VIPR2: variants seen among roughly 807,000 people sequenced by gnomAD.
VIPR2 encodes the protein vasoactive intestinal peptide receptor 2, also known as vasoactive intestinal polypeptide receptor 2.
VIPR2 carries 48 observed loss-of-function variants against 58.0 expected under a neutral mutation model. The observed-to-expected ratio is 0.83, with a 90% CI of 0.66 to 1.05. VIPR2 has a LOEUF of 1.05. Among genes scored for constraint, VIPR2 ranks in the 50% least tolerant of loss-of-function variants. VIPR2 has a pLI of 0.00. For missense variants in VIPR2, 534 were observed against 558.0 expected (o/e 0.96, Z 0.43); for synonymous variants, 243 against 235.2 (o/e 1.03, Z -0.30).
intron 1 of VIPR2, chr7:159,144,401 G>T: frequency 3.9e-6 from 6 of 1,546,196 alleles, no homozygotes; most frequent in Non-Finnish European, 5.2e-6. Context: ...CCCAGCTCCC[G>T]GGACGGCCCC....
intron 4 of VIPR2, 50 bp from the exon 5 acceptor site, chr7:159,058,628 A>G (rs1279992012): frequency 7.4e-7 from 1 of 1,342,472 alleles, no homozygotes; most frequent in Non-Finnish European, 1.1e-6. Context: ...CAGCAACACC[A>G]GACAACAGGA....
chr7:159,041,042 G>A (rs1854295442), intron 6 of VIPR2, among the ~76,000 whole-genome samples: 1 of 152,238 alleles, frequency 6.6e-6, no homozygotes, highest in Admixed American at 6.5e-5. Flanking sequence ...TGGGCATCGT[G>A]GGGCCCCACA....
chr7:159,053,432 A>T (rs774976305), intron 5 of VIPR2, among the ~76,000 whole-genome samples: 20 of 152,268 alleles, frequency 1.3e-4, no homozygotes, highest in Non-Finnish European at 4.4e-5. Flanking sequence ...AAATGGAAGG[A>T]TCTACTATGA....
rs1853579464 is a variant in VIPR2 at position 159,031,470 on chromosome 7, C to T, written c.1143+358G>A. 1 of 985,284 alleles carries T rather than the reference C, an allele frequency of 1.0e-6. No individual in the cohort carries two copies. Among genetic ancestry groups the T allele is most frequent in the African/African-American group, 1.7e-5 (1 of 57,238 alleles). 61.0% of individuals were successfully genotyped at this position (985,284 alleles called of 1,614,324 possible). On this transcript the variant is annotated intron_variant, in intron 12 of 12. Coordinates refer to ENST00000262178, the MANE Select transcript of VIPR2 (RefSeq NM_003382.5). This position sits in a 1 kb window ranked among gnomAD's most constrained non-coding sequence, Gnocchi z 4.0. The stretch of plus-strand genomic sequence containing the variant: ...CGCTGTGCAGCCCCACCCCCCAACC[C>T]AGGCCCGGCTTTCTGGGACTCACAA...
intron 4 of VIPR2, among the ~76,000 whole-genome samples, chr7:159,091,743 G>A (rs544276181): frequency 3.0e-4 from 46 of 152,202 alleles, no homozygotes; most frequent in Non-Finnish European, 6.8e-4. Flanking sequence ...TCAGAGCTGC[G>A]GCTGGGAGCC....
chr7:159,078,535 C>T (rs906381343), intron 4 of VIPR2, among the ~76,000 whole-genome samples: 2 of 152,208 alleles, frequency 1.3e-5, no homozygotes, highest in South Asian at 2.1e-4. Context: ...GTGCCCCATA[C>T]ATTAGAACTT....
At position 159,096,837 on chromosome 7, in the gene VIPR2, C is replaced by T. The variant is rs950830348; in HGVS notation, c.357+6920G>A. On this transcript the variant is annotated intron_variant, in intron 4 of 12. Coordinates refer to ENST00000262178, the MANE Select transcript of VIPR2 (RefSeq NM_003382.5). The surrounding 1 kb of genome is among the most constrained non-coding windows in gnomAD (Gnocchi z 5.5). ...GCCCAGCTCTTGTCCCGGCCCACCTCGGGATGCTTCCGCCGTACTGTGTCC... is the reference window on the plus strand; with the variant it reads ...GCCCAGCTCTTGTCCCGGCCCACCTTGGGATGCTTCCGCCGTACTGTGTCC... 1.5e-5 allele frequency: 23 copies of T among 1,487,822 alleles called. No individual in the cohort carries two copies. The highest frequency in any genetic ancestry group is 1.1e-4 in the South Asian group (8 of 76,134). The allele number at this position is 1,487,822 out of a possible 1,614,324, so 92.2% of individuals were successfully genotyped here.
intron 4 of VIPR2, among the ~76,000 whole-genome samples, chr7:159,084,711 GC>G (rs1456879680): frequency 5.9e-5 from 9 of 152,316 alleles, no homozygotes; most frequent in African/African-American, 1.9e-4. Context: ...GGGGGCCTCT[GC>G]CTGGTGCTGG....
At chr7:159,091,535 C>T (rs1857503862) in intron 4 of VIPR2, among the ~76,000 whole-genome samples, 1 of 152,244 alleles carries the variant, frequency 6.6e-6, no homozygotes, top group Non-Finnish European at 1.5e-5. Context: ...AACTGCAGCC[C>T]TCCTTGCCTG....
chr7:159,065,606 A>G (rs1856035705), intron 4 of VIPR2, among the ~76,000 whole-genome samples: 1 of 152,212 alleles, frequency 6.6e-6, no homozygotes, highest in Non-Finnish European at 1.5e-5. Flanking sequence ...CATGTACAAT[A>G]ACATTTTTTA....
At chr7:159,120,175 G>T (rs1338805312) in intron 2 of VIPR2, among the ~76,000 whole-genome samples, 1 of 152,192 alleles carries the variant, frequency 6.6e-6, no homozygotes, top group Non-Finnish European at 1.5e-5. Flanking sequence ...GTTCAGTTCA[G>T]ACTCATACTA....
At chr7:159,119,570 A>G (rs1182765794) in intron 2 of VIPR2, among the ~76,000 whole-genome samples, 4 of 152,212 alleles carry the variant, frequency 2.6e-5, no homozygotes, top group African/African-American at 4.8e-5. Flanking sequence ...CACAACCCCA[A>G]CGCTCTGACA....
At chr7:159,075,237 T>C (rs1441870872) in intron 4 of VIPR2, among the ~76,000 whole-genome samples, 3 of 152,246 alleles carry the variant, frequency 2.0e-5, no homozygotes, top group Non-Finnish European at 2.9e-5. Context: ...AATCTACAGA[T>C]GTCCATTTAC....
intron 9 of VIPR2, 71 bp downstream of exon 9, chr7:159,034,510 G>C: frequency 1.4e-6 from 2 of 1,476,570 alleles, no homozygotes; most frequent in Non-Finnish European, 1.9e-6. Flanking sequence ...TTTAATAAAG[G>C]ATGGCAGGCT....
At chr7:159,041,502 G>C (rs892005190) in intron 6 of VIPR2, among the ~76,000 whole-genome samples, 11 of 150,268 alleles carry the variant, frequency 7.3e-5, no homozygotes, top group Non-Finnish European at 3.0e-5. Flanking sequence ...CGGGTCCCAA[G>C]GGTCTGTCAT....
chr7:159,121,104 C>A (rs1796436896), intron 2 of VIPR2, among the ~76,000 whole-genome samples: 1 of 152,262 alleles, frequency 6.6e-6, no homozygotes, highest in East Asian at 1.9e-4. Context: ...CCCTCCCATG[C>A]CCAGGGCGTG....
chr7:159,104,995 G>A (rs1858562464), intron 3 of VIPR2, among the ~76,000 whole-genome samples: 1 of 152,254 alleles, frequency 6.6e-6, no homozygotes. Context: ...AAGGATGGCG[G>A]AATTACAGTT....
chr7:159,033,865 T>C (rs1853740116), intron 10 of VIPR2, among the ~76,000 whole-genome samples: 4 of 152,218 alleles, frequency 2.6e-5, no homozygotes. Context: ...GAGAGGACTT[T>C]CTTCTGGCCT....
rs150982677 is a variant in VIPR2 at position 159,105,406 on chromosome 7, A to G, written c.260-1552T>C. Among the ~76,000 whole-genome samples, 421 of 152,322 alleles carry G rather than the reference A, an allele frequency of 2.8e-3. 2 individuals are homozygous for G. The highest frequency in any genetic ancestry group is 9.2e-3 in the African/African-American group (384 of 41,586). On this transcript the variant is annotated intron_variant, in intron 3 of 12. Coordinates refer to ENST00000262178, the MANE Select transcript of VIPR2 (RefSeq NM_003382.5). ...CTTTTTAATTTCAAGACAACCCTGC[A>G]AGACAGACTTGGTGGGCGCTGCTGT...
Sources: allele counts gnomAD v4.1 joint callset (sites outside exome capture counted in the v4.1 genomes callset), GRCh38; gene constraint gnomAD v4.1.1; non-coding constraint Gnocchi (gnomAD v3.1); transcripts MANE v1.5; gene names NCBI Gene and HGNC (gene_info 2026-07-23, HGNC 2026-07-21).